HSP90AA1: variants seen among roughly 807,000 people sequenced by gnomAD.
HSP90AA1 encodes heat shock protein 90 alpha family class A member 1, also known as heat shock protein HSP 90-alpha.
A neutral mutation model predicts 73.3 loss-of-function variants in HSP90AA1; 18 were observed. The ratio of observed to expected loss-of-function variants is 0.25; its 90% confidence interval spans 0.17 to 0.36. HSP90AA1 has a LOEUF of 0.36. HSP90AA1 is among the 10% of genes least tolerant of loss of function. The probability of loss-of-function intolerance (pLI) is 1.00; values close to 1 mark genes in which losing one functional copy is unlikely to be tolerated. For missense variants in HSP90AA1, 704 were observed against 874.2 expected, an observed-to-expected ratio of 0.81 and a Z score of 2.45; for synonymous variants, 477 against 296.9, an observed-to-expected ratio of 1.61 and a Z score of -6.24.
chr14:102,085,604 A>G, intron 3 of HSP90AA1, 154 bp downstream of exon 3: 1 of 1,288,374 alleles, frequency 7.8e-7, no homozygotes, highest in South Asian at 1.2e-5. Context: ...CCGCCCACCA[A>G]GTCATGCCAT....
intron 1 of HSP90AA1, among the ~76,000 whole-genome samples, chr14:102,133,336 T>C (rs1289672254): frequency 6.6e-6 from 1 of 152,106 alleles, no homozygotes; most frequent in Non-Finnish European, 1.5e-5. Flanking sequence ...ACTCTAATGA[T>C]ATAATGAATA....
At chr14:102,113,694 AT>A (rs1383531252) in intron 1 of HSP90AA1, among the ~76,000 whole-genome samples, 5 of 149,722 alleles carry the variant, frequency 3.3e-5, no homozygotes, top group Admixed American at 6.7e-5. Flanking sequence ...CATTTATTTT[AT>A]TTTTTTATTT....
rs1399250865 is a variant in HSP90AA1 at position 102,081,182 on chromosome 14, C to T, written c.*530G>A. ...GCTTAGGTAGGCTTTTAACTTTGCTCCTCCAAACAATACTTTTCTTTGGAA... is the reference window on the plus strand; with the variant it reads ...GCTTAGGTAGGCTTTTAACTTTGCTTCTCCAAACAATACTTTTCTTTGGAA... On this transcript the variant is annotated 3_prime_UTR_variant, in exon 11 of 11. Coordinates refer to ENST00000216281, the MANE Select transcript of HSP90AA1 (RefSeq NM_005348.4). The T allele has an allele frequency of 1.3e-5, 3 of 235,846 alleles. No homozygotes were observed. The highest frequency in any genetic ancestry group is 2.2e-5 in the African/African-American group (1 of 44,964). The allele number at this position is 235,846 out of a possible 1,614,324, so 14.6% of individuals were successfully genotyped here.
rs796523507 is a variant in HSP90AA1 at position 102,127,519 on chromosome 14, TAGAGTCTA to T, written c.155+11723_155+11730del. ...GGAACCCACATTTCAGTCTTATCCC[TAGAGTCTA>T]AGATAATTAAAATAGCACACATGGA... On this transcript the variant is annotated intron_variant, in intron 1 of 11. Transcript: ENST00000334701. 2.2e-4 allele frequency among the ~76,000 whole-genome samples: 33 copies of T among 152,344 alleles called. 1 individual carries two copies. The highest frequency in any genetic ancestry group is 7.9e-4 in the African/African-American group (33 of 41,588).
chr14:102,114,069 T>C (rs2049677514), intron 1 of HSP90AA1, among the ~76,000 whole-genome samples: 1 of 152,092 alleles, frequency 6.6e-6, no homozygotes. Flanking sequence ...TGCAGAGTCA[T>C]GATCTCATGT....
chr14:102,093,976 AAAAAG>A (rs2049392367), intron 2 of HSP90AA1, among the ~76,000 whole-genome samples: 1 of 92,070 alleles, frequency 1.1e-5, no homozygotes, highest in Admixed American at 1.4e-4. Context: ...TCAAAAAAGA[AAAAAG>A]AAGGAAGGTG....
chr14:102,100,840 C>T (rs1416694959), intron 2 of HSP90AA1, among the ~76,000 whole-genome samples: 1 of 152,234 alleles, frequency 6.6e-6, no homozygotes, highest in Non-Finnish European at 1.5e-5. Flanking sequence ...GACTACTTGA[C>T]TTCCATGTAC....
chr14:102,081,850 C>T (rs754377623), intron 10 of HSP90AA1, 29 bp from the exon 11 acceptor site: 14 of 1,079,846 alleles, frequency 1.3e-5, no homozygotes, highest in Middle Eastern at 2.0e-4. Context: ...CCTCATATTA[C>T]AAAGATTTCT....
At chr14:102,091,468 C>T (rs1444254805), upstream of HSP90AA1, among the ~76,000 whole-genome samples, 2 of 151,804 alleles carry the variant, frequency 1.3e-5, no homozygotes, top group African/African-American at 4.8e-5. Context: ...ACAAAAAATA[C>T]AAAAAAATTT....
rs567792461 is a variant in HSP90AA1, at chr14:102,084,602, T to C, written c.982-38A>G. ...AGATACACTAAGTACCAATGAACAA[T>C]GCATTATAGAAGATATTTGGGGTGG... is the stretch of plus-strand genomic sequence containing the variant. On this transcript the variant is annotated intron_variant, in intron 5 of 10. Coordinates refer to ENST00000216281, the MANE Select transcript of HSP90AA1 (RefSeq NM_005348.4). 12 of 1,614,118 alleles carry C rather than the reference T, an allele frequency of 7.4e-6. No homozygotes were observed. The East Asian group carries it at 1.1e-4, about 15-fold the overall frequency.
chr14:102,087,065 G>T, upstream of HSP90AA1: 1 of 984,920 alleles, frequency 1.0e-6, no homozygotes, highest in Non-Finnish European at 1.2e-6. Context: ...CCCCGCGCCT[G>T]CCTTATATAG....
intron 1 of HSP90AA1, among the ~76,000 whole-genome samples, chr14:102,113,184 TG>T: frequency 6.6e-6 from 1 of 151,004 alleles, no homozygotes; most frequent in Middle Eastern, 3.4e-3. Context: ...CCACCACACC[TG>T]GCTAATTCTT....
chr14:102,113,391 C>G (rs2049666651), intron 1 of HSP90AA1, among the ~76,000 whole-genome samples: 1 of 149,558 alleles, frequency 6.7e-6, no homozygotes, highest in Admixed American at 6.7e-5. Flanking sequence ...ATTTTTGAGA[C>G]AGAGTCTCAC....
In HSP90AA1 at chr14:102,081,617, T is replaced by C. The variant is rs2049100760; in HGVS notation, c.*95A>G. Reference sequence around the variant, plus strand: ...GTAGTTGTCATGCCATACAGACTTTTTAATATTAACAAAAATAAAGAAAAA... The same window carrying C: ...GTAGTTGTCATGCCATACAGACTTTCTAATATTAACAAAAATAAAGAAAAA... On this transcript the variant is annotated 3_prime_UTR_variant, in exon 11 of 11. Transcript: ENST00000216281. The C allele has an allele frequency of 2.6e-6, 2 of 759,568 alleles. No homozygotes were observed. The highest frequency in any genetic ancestry group is 4.9e-6 in the Non-Finnish European group (2 of 411,940). 47.1% of individuals were successfully genotyped at this position (759,568 alleles called of 1,614,324 possible). A position where few individuals can be genotyped will look rare whatever the true frequency, so the allele number is the denominator to read the frequency against.
intron 1 of HSP90AA1, among the ~76,000 whole-genome samples, chr14:102,103,387 T>G (rs1262991946): frequency 6.6e-6 from 1 of 151,812 alleles, no homozygotes; most frequent in Non-Finnish European, 1.5e-5. Flanking sequence ...TGGCTAATTT[T>G]AAGAAAAATG....
chr14:102,081,671 T>C lies in HSP90AA1; in HGVS notation c.*41A>G, dbSNP rs112417493. Reference sequence around the variant, plus strand: ...CCTTGAAAATATATTATCAGAGGAATTGTAGAGTACTGAACAGGTAAGTCA... The same window carrying C: ...CCTTGAAAATATATTATCAGAGGAACTGTAGAGTACTGAACAGGTAAGTCA... On this transcript the variant is annotated 3_prime_UTR_variant, in exon 11 of 11. Transcript: ENST00000216281. 6.7e-5 allele frequency: 57 copies of C among 850,126 alleles called. 1 individual carries two copies. Among genetic ancestry groups the C allele is most frequent in the Admixed American group, 4.9e-4 (29 of 59,026 alleles). 52.7% of individuals were successfully genotyped at this position (850,126 alleles called of 1,614,324 possible).
At chr14:102,132,799 A>G (rs923670245) in intron 1 of HSP90AA1, among the ~76,000 whole-genome samples, 32 of 151,254 alleles carry the variant, frequency 2.1e-4, no homozygotes, top group Admixed American at 1.6e-3. Context: ...CTCTACTAAA[A>G]ATACAAAAGA....
At chr14:102,101,317 A>G (rs2049490616) in intron 2 of HSP90AA1, among the ~76,000 whole-genome samples, 1 of 152,166 alleles carries the variant, frequency 6.6e-6, no homozygotes, top group South Asian at 2.1e-4. Flanking sequence ...CTGTTCCTCC[A>G]ATGCTCAGCC....
At chr14:102,106,333 A>C (rs2049567142) in intron 1 of HSP90AA1, among the ~76,000 whole-genome samples, 1 of 152,116 alleles carries the variant, frequency 6.6e-6, no homozygotes, top group Non-Finnish European at 1.5e-5. Flanking sequence ...TTTTGATCAA[A>C]GTATTTTGTT....
Sources: gnomAD v4.1 joint callset for allele counts (sites outside exome capture counted in the v4.1 genomes callset) on GRCh38, gnomAD v4.1.1 for gene constraint, MANE v1.5 for transcripts, NCBI Gene and HGNC (gene_info 2026-07-23, HGNC 2026-07-21) for gene names.